The following KDM1B variants were observed in gnomAD, a reference collection of about 807,000 sequenced individuals.
KDM1B encodes lysine-specific histone demethylase 2.
Under a neutral mutation model 107.4 loss-of-function variants are expected in KDM1B, and 63 were observed. The ratio of observed to expected loss-of-function variants is 0.59; its 90% CI spans 0.48 to 0.72. The LOEUF (loss-of-function observed/expected upper bound fraction) is 0.72, where lower values mean the gene tolerates loss of function less well. Ranked by LOEUF, KDM1B falls within the 30% of genes least tolerant of loss-of-function variation. The pLI, the probability that KDM1B is intolerant of heterozygous loss-of-function variation, is 0.00. For missense variants in KDM1B, 749 were observed against 1,020.8 expected (o/e 0.73, Z 3.63); for synonymous variants, 363 against 363.9 (o/e 1.00, Z 0.03).
At chr6:18,216,060 T>C (rs1789205400) in intron 20 of KDM1B, among the ~76,000 whole-genome samples, 1 of 152,164 alleles carries the variant, frequency 6.6e-6, no homozygotes, top group South Asian at 2.1e-4. Flanking sequence ...CATTCAGATA[T>C]GTTGCTTATT....
At chr6:18,194,261 C>T (rs978457997) in intron 10 of KDM1B, among the ~76,000 whole-genome samples, 2 of 152,102 alleles carry the variant, frequency 1.3e-5, no homozygotes, top group Non-Finnish European at 2.9e-5. Context: ...GTGATCCACC[C>T]GCCTTGGCCT....
intron 5 of KDM1B, among the ~76,000 whole-genome samples, chr6:18,164,775 A>G (rs897219671): frequency 6.6e-6 from 1 of 151,824 alleles, no homozygotes; most frequent in Non-Finnish European, 1.5e-5. Flanking sequence ...CCTCCTGAGT[A>G]GCTGGGATTA....
Position 18,159,797 on chromosome 6 carries a change from C to G in KDM1B, c.-13-86C>G. On this transcript the variant is annotated intron_variant, in intron 2 of 21. Coordinates refer to ENST00000650836, the MANE Select transcript of KDM1B (RefSeq NM_001364614.2). This position sits in a 1 kb window ranked among gnomAD's most constrained non-coding sequence, Gnocchi z 4.5. Reference sequence around the variant, plus strand: ...TTAGGCAATCTGACATACATTCTTACCTACCAAAGTGTATAATAACTTGCT... The same window carrying G: ...TTAGGCAATCTGACATACATTCTTAGCTACCAAAGTGTATAATAACTTGCT... 1.4e-6 allele frequency: 1 copy of G among 693,564 alleles called. No individual in the cohort carries two copies. The highest frequency in any genetic ancestry group is 2.5e-6 in the Non-Finnish European group (1 of 400,124). The allele number at this position is 693,564 out of a possible 1,614,324, so 43.0% of individuals were successfully genotyped here.
At chr6:18,168,023 G>A (rs2150805013) in intron 6 of KDM1B, among the ~76,000 whole-genome samples, 2 of 152,278 alleles carry the variant, frequency 1.3e-5, no homozygotes, top group Middle Eastern at 6.8e-3. Flanking sequence ...GCCTCTCAAA[G>A]TGTTAGGATT....
At chr6:18,199,006 CAG>C (rs1491350295) in intron 12 of KDM1B, among the ~76,000 whole-genome samples, 1 of 69,884 alleles carries the variant, frequency 1.4e-5, no homozygotes, top group Admixed American at 1.9e-4. Flanking sequence ...CTGTCTCTAC[CAG>C]AAAAAAAAAA....
chr6:18,189,119 C>T (rs926994579), intron 9 of KDM1B, among the ~76,000 whole-genome samples: 3 of 152,094 alleles, frequency 2.0e-5, no homozygotes, highest in South Asian at 4.1e-4. Flanking sequence ...TAAAAATCTA[C>T]ATTAGAATTC....
chr6:18,190,598 T>C (rs1211410361), intron 9 of KDM1B, among the ~76,000 whole-genome samples: 1 of 147,044 alleles, frequency 6.8e-6, no homozygotes, highest in Non-Finnish European at 1.5e-5. Context: ...TGAGACTCCA[T>C]CTTAAAAAGA....
At chr6:18,167,176 G>A (rs1350731253) in intron 6 of KDM1B, among the ~76,000 whole-genome samples, 1 of 151,876 alleles carries the variant, frequency 6.6e-6, no homozygotes, top group Admixed American at 6.6e-5. Flanking sequence ...CCAACATGGG[G>A]AAACCCCGTC....
chr6:18,193,391 C>T (rs1052234943), intron 10 of KDM1B, among the ~76,000 whole-genome samples: 5 of 147,914 alleles, frequency 3.4e-5, no homozygotes, highest in Admixed American at 2.0e-4. Flanking sequence ...ACAGCAGCCT[C>T]GCCTTCCCAG....
intron 21 of KDM1B, 118 bp from the exon 22 acceptor site, chr6:18,221,784 GAATATGA>G (rs1432668483): frequency 1.3e-6 from 1 of 746,326 alleles, no homozygotes; most frequent in African/African-American, 1.8e-5. Context: ...GGGTGAGTGT[GAATATGA>G]GCACACAGGA....
rs1257373293 is a variant in KDM1B, at chr6:18,215,149, C to G, written c.2232+20C>G. The G allele has an allele frequency of 1.2e-6, 2 of 1,606,296 alleles. No homozygotes were observed. The highest frequency in any genetic ancestry group is 2.7e-5 in the African/African-American group (2 of 74,816). On this transcript the variant is annotated intron_variant, in intron 20 of 21. Coordinates refer to ENST00000650836, the MANE Select transcript of KDM1B (RefSeq NM_001364614.2). The stretch of plus-strand genomic sequence containing the variant: ...GAGCAGGTGAGAGAGAGGAAGCCCT[C>G]CTTGAAAGGGGCAAGCCGTGCTTGC...
At position 18,200,602 on chromosome 6, in the gene KDM1B, T is replaced by A. The variant is rs762696408; in HGVS notation, c.1359+26T>A. ...GTGAGTTTCTTTTAGCTTTGTGTTGTAGATAAAGGAAAGAAAAACAGTTTC... is the reference window on the plus strand; with the variant it reads ...GTGAGTTTCTTTTAGCTTTGTGTTGAAGATAAAGGAAAGAAAAACAGTTTC... On this transcript the variant is annotated intron_variant, in intron 13 of 21. Coordinates refer to ENST00000650836, the MANE Select transcript of KDM1B (RefSeq NM_001364614.2). The surrounding 1 kb of genome is among the most constrained non-coding windows in gnomAD (Gnocchi z 4.3). The A allele has an allele frequency of 3.1e-6, 5 of 1,592,290 alleles. No individual in the cohort carries two copies. The South Asian group carries it at 5.7e-5, about 18-fold the overall frequency.
At position 18,194,482 on chromosome 6, in the gene KDM1B, C is replaced by G. The variant is rs139802104; in HGVS notation, c.970-2575C>G. 1.2e-3 allele frequency among the ~76,000 whole-genome samples: 176 copies of G among 152,238 alleles called. 2 individuals are homozygous for G. The highest frequency in any genetic ancestry group is 2.2e-3 in the Admixed American group (34 of 15,284). On this transcript the variant is annotated intron_variant, in intron 10 of 21. Transcript: ENST00000650836. Reference sequence around the variant, plus strand: ...GCAGTCGTTCTTGCTCAGGGAAAACCGACACGATAAAGTGTAAATTGCTAT... The same window carrying G: ...GCAGTCGTTCTTGCTCAGGGAAAACGGACACGATAAAGTGTAAATTGCTAT...
Position 18,162,386 on chromosome 6 carries a change from T to C in KDM1B, c.216-449T>C, listed in dbSNP as rs555979212. Among the ~76,000 whole-genome samples the C allele has an allele frequency of 6.6e-6, 1 of 152,324 alleles. No homozygotes were observed. The highest frequency in any genetic ancestry group is 1.9e-4 in the East Asian group (1 of 5,188). ...GGTGATCGTGTTCATAGTGGCATGATTTTTCATTCTCTTGCTATATTATCA... is the reference window on the plus strand; with the variant it reads ...GGTGATCGTGTTCATAGTGGCATGACTTTTCATTCTCTTGCTATATTATCA... On this transcript the variant is annotated intron_variant, in intron 4 of 21. Transcript: ENST00000650836. This position sits in a 1 kb window ranked among gnomAD's most constrained non-coding sequence, Gnocchi z 4.1.
intron 6 of KDM1B, among the ~76,000 whole-genome samples, chr6:18,169,423 A>C (rs985173012): frequency 6.6e-6 from 1 of 151,844 alleles, no homozygotes; most frequent in South Asian, 2.1e-4. Context: ...ATGGGGTTTC[A>C]CCATGTTGGC....
Position 18,213,896 on chromosome 6 carries a change from C to T in KDM1B, c.2109+115C>T, listed in dbSNP as rs1789034128. On this transcript the variant is annotated intron_variant, in intron 19 of 21. Coordinates refer to ENST00000650836, the MANE Select transcript of KDM1B (RefSeq NM_001364614.2). The surrounding 1 kb of genome is among the most constrained non-coding windows in gnomAD (Gnocchi z 5.9). Reference sequence around the variant, plus strand: ...AACGAACATCATGGAGACCCTGGGTCTATGTTTATATTCTGGGAGGACACT... The same window carrying T: ...AACGAACATCATGGAGACCCTGGGTTTATGTTTATATTCTGGGAGGACACT... 5 of 1,157,674 alleles carry T rather than the reference C, an allele frequency of 4.3e-6. No homozygotes were observed. Among genetic ancestry groups the T allele is most frequent in the Middle Eastern group, 2.5e-4 (1 of 3,988 alleles). The allele number at this position is 1,157,674 out of a possible 1,614,324, so 71.7% of individuals were successfully genotyped here.
rs1414069451 is a variant in KDM1B at position 18,187,837 on chromosome 6, C to T, written c.619C>T (p.Leu207=). 1.9e-6 allele frequency: 3 copies of T among 1,550,482 alleles called. No homozygotes were observed. Among genetic ancestry groups the T allele is most frequent in the South Asian group, 1.2e-5 (1 of 84,058 alleles). ...CCATTGGTGGTACTCTATGCTCATC[C>T]TACCTCCTTTGCTGAAAGACAGTGT... ...SNHWWYSMLI[L]PPLLKDSVAA... Residue 207 remains leucine, a synonymous_variant, in exon 9 of 22, where the codon CTA becomes TTA. Coordinates refer to ENST00000650836, the MANE Select transcript of KDM1B (RefSeq NM_001364614.2).
At chr6:18,177,394 T>C (rs993314227) in intron 7 of KDM1B, among the ~76,000 whole-genome samples, 1 of 151,926 alleles carries the variant, frequency 6.6e-6, no homozygotes, top group Non-Finnish European at 1.5e-5. Flanking sequence ...TTTATTTATC[T>C]TTTCAAAGAA....
intron 6 of KDM1B, among the ~76,000 whole-genome samples, chr6:18,166,804 T>C (rs577728173): frequency 4.0e-5 from 6 of 151,172 alleles, no homozygotes; most frequent in Non-Finnish European, 8.8e-5. Flanking sequence ...TAGTGAGCTA[T>C]GATTACACCA....
Sources: gnomAD v4.1 joint callset for allele counts (sites outside exome capture counted in the v4.1 genomes callset) on GRCh38, gnomAD v4.1.1 for gene constraint, Gnocchi (gnomAD v3.1) non-coding constraint, MANE v1.5 for transcripts, NCBI Gene and HGNC (gene_info 2026-07-23, HGNC 2026-07-21) for gene names.